The following COL15A1 variants were observed in gnomAD, a reference collection of about 807,000 sequenced individuals.
COL15A1 encodes the protein collagen type XV alpha 1 chain.
COL15A1 carries 111 observed loss-of-function variants against 165.9 expected under a neutral mutation model. That is an observed-to-expected ratio of 0.67 (90% CI 0.57 to 0.78). COL15A1 has a LOEUF of 0.78. Among genes scored for constraint, COL15A1 ranks in the 30% least tolerant of loss-of-function variants. COL15A1 has a pLI of 0.00. For synonymous variants in COL15A1, 659 were observed against 674.8 expected, an observed-to-expected ratio of 0.98 and a Z score of 0.36; for missense variants, 1,745 against 1,789.7, an observed-to-expected ratio of 0.98 and a Z score of 0.45.
chr9:98,984,788 G>GT, intron 2 of COL15A1, among the ~76,000 whole-genome samples: 1 of 152,186 alleles, frequency 6.6e-6, no homozygotes, highest in Admixed American at 6.5e-5. Context: ...AACCTATCCA[G>GT]TTTTTTTGTT....
chr9:99,036,392 C>T lies in COL15A1; in HGVS notation c.2405C>T (p.Ser802Phe). ...CCACCTGGGCACATCAAGGTCTTGT[C>T]TAATGTGAGTATCATTCAGGTCAGA... ...RGPPGHIKVLSNSLINITHGF... is the reference protein window; with the variant it reads ...RGPPGHIKVLFNSLINITHGF... The change falls in exon 21 of 42, where the codon TCT becomes TTT. Residue 802 changes from serine (S) to phenylalanine (F), a missense_variant. Transcript: ENST00000375001. 1 of 1,614,112 alleles carries T rather than the reference C, an allele frequency of 6.2e-7. No homozygotes were observed. The highest frequency in any genetic ancestry group is 1.3e-5 in the African/African-American group (1 of 75,036).
rs115739281 is a variant in COL15A1 at position 99,024,952 on chromosome 9, C to T, written c.1933C>T (p.Pro645Ser). 8.2e-4 allele frequency: 1,328 copies of T among 1,614,002 alleles called. 15 individuals are homozygous for T. In the African/African-American group the frequency reaches 0.016, roughly 19 times the overall value. ...AGGAACTGATGTTTTCATGGGACCCCCTGGATCTCCTGGAGAGGATGGACC... is the reference window on the plus strand; with the variant it reads ...AGGAACTGATGTTTTCATGGGACCCTCTGGATCTCCTGGAGAGGATGGACC... ...KPGTDVFMGP[P>S]GSPGEDGPAG... The change falls in exon 15 of 42, where the codon CCT (proline) becomes TCT (serine). Residue 645 changes from proline to serine, a missense_variant. By Grantham distance (74) the Pro-to-Ser change is moderately conservative. Transcript: ENST00000375001.
Position 99,031,782 on chromosome 9 carries a change from G to A in COL15A1, c.2044-2767G>A, listed in dbSNP as rs114131134. Among the ~76,000 whole-genome samples the A allele has an allele frequency of 2.8e-3, 420 of 152,242 alleles. 2 individuals are homozygous for A. The highest frequency in any genetic ancestry group is 9.1e-3 in the African/African-American group (377 of 41,526). On this transcript the variant is annotated intron_variant, in intron 16 of 41. Transcript: ENST00000375001. ...CATTTATTAAAATTAAAATTAAATT[G>A]TAATTATAAAAGTAATATATGAATA...
At chr9:98,952,630 T>G (rs1837707906) in intron 2 of COL15A1, among the ~76,000 whole-genome samples, 1 of 151,972 alleles carries the variant, frequency 6.6e-6, no homozygotes, top group South Asian at 2.1e-4. Flanking sequence ...CAAGCAATCC[T>G]CCCAACTTGG....
Position 99,036,198 on chromosome 9 carries a change from G to C in COL15A1, c.2318G>C (p.Gly773Ala). 1 of 1,612,526 alleles carries C rather than the reference G, an allele frequency of 6.2e-7. No homozygotes were observed. The highest frequency in any genetic ancestry group is 8.5e-7 in the Non-Finnish European group (1 of 1,178,772). ...IGLKGEKGDRGPKGERGMDGA... is the reference protein window; with the variant it reads ...IGLKGEKGDRAPKGERGMDGA... Reference sequence around the variant, plus strand: ...CTCAAAGGAGAGAAAGGAGACCGGGGACCCAAGGTGAGGTCACAGAGCCAA... The same window carrying C: ...CTCAAAGGAGAGAAAGGAGACCGGGCACCCAAGGTGAGGTCACAGAGCCAA... Residue 773 changes from glycine to alanine, a missense_variant, in exon 20 of 42, where the codon GGA (glycine) becomes GCA (alanine). By Grantham distance (60) the Gly-to-Ala change is moderately conservative. Coordinates refer to ENST00000375001, the MANE Select transcript of COL15A1 (RefSeq NM_001855.5).
intron 2 of COL15A1, among the ~76,000 whole-genome samples, chr9:98,958,562 A>C (rs546345906): frequency 2.8e-4 from 42 of 152,186 alleles, no homozygotes; most frequent in Non-Finnish European, 5.4e-4. Flanking sequence ...TCCATGTGAC[A>C]TATTTTCTAA....
At chr9:99,028,271 A>G (rs1839161560) in intron 16 of COL15A1, among the ~76,000 whole-genome samples, 1 of 152,184 alleles carries the variant, frequency 6.6e-6, no homozygotes, top group South Asian at 2.1e-4. Flanking sequence ...ATTATAAAAT[A>G]TGAGATTGAG....
Position 99,004,828 on chromosome 9 carries a change from G to T in COL15A1, c.1201-70G>T. On this transcript the variant is annotated intron_variant, in intron 8 of 41. Transcript: ENST00000375001. ...GTGCTTTGAGGGGCCCTGGCCTTCT[G>T]TTCCTTACCACAGTGTGGTGGATCA... 7.5e-6 allele frequency: 12 copies of T among 1,595,348 alleles called. No homozygotes were observed. The South Asian group carries it at 1.3e-4, about 18-fold the overall frequency.
At chr9:99,029,403 C>G (rs1233815044) in intron 16 of COL15A1, among the ~76,000 whole-genome samples, 3 of 152,192 alleles carry the variant, frequency 2.0e-5, no homozygotes, top group Non-Finnish European at 4.4e-5. Flanking sequence ...TCATCATCAC[C>G]TTCCCTTTCT....
rs1234430898 is a variant in COL15A1 at position 99,005,137 on chromosome 9, C to T, written c.1353+87C>T. 1.5e-5 allele frequency: 21 copies of T among 1,363,996 alleles called. No homozygotes were observed. In the South Asian group the frequency reaches 2.7e-4, roughly 18 times the overall value. The allele number at this position is 1,363,996 out of a possible 1,614,324, so 84.5% of individuals were successfully genotyped here. ...GAGTGTGGGGCTCCTGCTCAGCAAACCCATGGGAGCCTGAGGCACGGGGAT... is the reference window on the plus strand; with the variant it reads ...GAGTGTGGGGCTCCTGCTCAGCAAATCCATGGGAGCCTGAGGCACGGGGAT... On this transcript the variant is annotated intron_variant, in intron 9 of 41. Transcript: ENST00000375001.
At chr9:99,000,427 C>CT (rs1046943752) in intron 6 of COL15A1, among the ~76,000 whole-genome samples, 8 of 151,294 alleles carry the variant, frequency 5.3e-5, no homozygotes, top group East Asian at 1.9e-4. Flanking sequence ...TATACTCATA[C>CT]TTTTTTTTTC....
At chr9:99,057,467 A>G (rs1275460189) in intron 35 of COL15A1, among the ~76,000 whole-genome samples, 1 of 152,206 alleles carries the variant, frequency 6.6e-6, no homozygotes, top group Non-Finnish European at 1.5e-5. Context: ...AAACTGGCAA[A>G]ATTAAAGAAA....
At chr9:99,034,512 A>C in intron 16 of COL15A1, 37 bp from the exon 17 acceptor site, 7 of 1,543,362 alleles carry the variant, frequency 4.5e-6, no homozygotes, top group Non-Finnish European at 6.1e-6. Flanking sequence ...TGACATATGC[A>C]TTAATTGGTC....
At chr9:99,044,389 T>A (rs967758424) in intron 24 of COL15A1, among the ~76,000 whole-genome samples, 179 bp from the exon 25 acceptor site, 1 of 152,132 alleles carries the variant, frequency 6.6e-6, no homozygotes, top group African/African-American at 2.4e-5. Context: ...AATACTCTAG[T>A]ACGAGGTAAT....
chr9:98,986,125 C>T lies in COL15A1; in HGVS notation c.648+13C>T. On this transcript the variant is annotated intron_variant, in intron 3 of 41. Coordinates refer to ENST00000375001, the MANE Select transcript of COL15A1 (RefSeq NM_001855.5). Reference sequence around the variant, plus strand: ...CGAGAGATTCACTGTGAGTTAAAGTCCCACTCCAGGTAGATCAGGGAGGTG... The same window carrying T: ...CGAGAGATTCACTGTGAGTTAAAGTTCCACTCCAGGTAGATCAGGGAGGTG... The T allele has an allele frequency of 6.2e-7, 1 of 1,604,230 alleles. No homozygotes were observed. The highest frequency in any genetic ancestry group is 1.3e-5 in the African/African-American group (1 of 74,802).
rs188607120 is a variant in COL15A1 at position 99,060,288 on chromosome 9, G to A, written c.3402+335G>A. 2.9e-3 allele frequency among the ~76,000 whole-genome samples: 428 copies of A among 147,246 alleles called. 1 individual carries two copies. The highest frequency in any genetic ancestry group is 9.8e-3 in the African/African-American group (391 of 39,952). ...TTTTGCTGGATGAGGGGTGGACGGGGTCTCACTCTGTCACCCAAACTGGAG... is the reference window on the plus strand; with the variant it reads ...TTTTGCTGGATGAGGGGTGGACGGGATCTCACTCTGTCACCCAAACTGGAG... On this transcript the variant is annotated intron_variant, in intron 36 of 41. Transcript: ENST00000375001.
rs1267116974 is a variant in COL15A1 at position 99,070,030 on chromosome 9, T to C, written c.*144T>C. ...TTTACAACAGCAACCAAAGAAAACATACCTCAATACACTCAAAACTGAAGA... is the reference window on the plus strand; with the variant it reads ...TTTACAACAGCAACCAAAGAAAACACACCTCAATACACTCAAAACTGAAGA... On this transcript the variant is annotated 3_prime_UTR_variant, in exon 42 of 42. Transcript: ENST00000375001. 2 of 650,490 alleles carry C rather than the reference T, an allele frequency of 3.1e-6. No individual in the cohort carries two copies. The highest frequency in any genetic ancestry group is 5.1e-6 in the Non-Finnish European group (2 of 390,490). The allele number at this position is 650,490 out of a possible 1,614,324, so 40.3% of individuals were successfully genotyped here. A position where few individuals can be genotyped will look rare whatever the true frequency, so the allele number is the denominator to read the frequency against.
chr9:98,985,694 GC>G lies in COL15A1; in HGVS notation c.233del (p.Pro78GlnfsTer20). ...YSFGPGANVG[R>X]PARTLIPSTF... ...TTCGGGCCTGGTGCCAATGTTGGCC[GC>G]CCAGCCAGGACTCTCATCCCATCCA... On this transcript the variant is annotated frameshift_variant, in exon 3 of 42. Transcript: ENST00000375001. LOFTEE classifies it high-confidence loss of function. 6.2e-7 allele frequency: 1 copy of G among 1,614,198 alleles called. No homozygotes were observed. Among genetic ancestry groups the G allele is most frequent in the Middle Eastern group, 1.6e-4 (1 of 6,062 alleles).
At chr9:98,961,566 G>A (rs886680597) in intron 2 of COL15A1, among the ~76,000 whole-genome samples, 19 of 152,282 alleles carry the variant, frequency 1.2e-4, no homozygotes, top group Non-Finnish European at 2.5e-4. Flanking sequence ...AATGTGGCTC[G>A]AACACGTTGA....
Sources: allele counts gnomAD v4.1 joint callset (sites outside exome capture counted in the v4.1 genomes callset), GRCh38; gene constraint gnomAD v4.1.1; transcripts MANE v1.5; gene names NCBI Gene and HGNC (gene_info 2026-07-23, HGNC 2026-07-21).